NKAIN3: variants seen among roughly 807,000 people sequenced by gnomAD.
The protein encoded by NKAIN3 is sodium/potassium-transporting ATPase subunit beta-1-interacting protein 3.
In NKAIN3, 25 loss-of-function variants were observed where a neutral mutation model predicts 30.2. That is an observed-to-expected ratio of 0.83 (90% CI 0.60 to 1.16). The LOEUF (loss-of-function observed/expected upper bound fraction) is 1.16, where lower values mean the gene tolerates loss of function less well. Ranked by LOEUF, NKAIN3 falls within the 50% of genes most tolerant of loss-of-function variation. The pLI is 0.00. For synonymous variants in NKAIN3, 91 were observed against 89.6 expected (o/e 1.02, Z -0.09); for missense variants, 225 against 254.1 (o/e 0.89, Z 0.78).
rs375440565 is a variant in NKAIN3, at chr8:62,352,584, T to C, written c.54+103457T>C. ...GGAAAAGAAGCTGAGCATCGTCTTCTAAAATAGCCTTCTCCCCGCAACATT... is the reference window on the plus strand; with the variant it reads ...GGAAAAGAAGCTGAGCATCGTCTTCCAAAATAGCCTTCTCCCCGCAACATT... On this transcript the variant is annotated intron_variant, in intron 1 of 6. Transcript: ENST00000623646. 2.0e-5 allele frequency among the ~76,000 whole-genome samples: 3 copies of C among 152,176 alleles called. No homozygotes were observed. In the South Asian group the frequency reaches 6.2e-4, roughly 32 times the overall value.
intron 5 of NKAIN3, among the ~76,000 whole-genome samples, chr8:62,996,237 C>T (rs552434437): frequency 5.3e-5 from 8 of 152,006 alleles, no homozygotes; most frequent in East Asian, 1.9e-4. Context: ...TGACAGAAGG[C>T]GAAAGGGAAT....
chr8:62,775,084 T>C (rs1817146701), intron 4 of NKAIN3, among the ~76,000 whole-genome samples: 1 of 152,116 alleles, frequency 6.6e-6, no homozygotes, highest in Non-Finnish European at 1.5e-5. Flanking sequence ...TCTAGGTACT[T>C]GTTATTGGGC....
At chr8:62,586,447 T>G (rs1037312399) in intron 2 of NKAIN3, among the ~76,000 whole-genome samples, 1 of 152,166 alleles carries the variant, frequency 6.6e-6, no homozygotes, top group Non-Finnish European at 1.5e-5. Context: ...AGAGTAAATG[T>G]TTGACAAATG....
At chr8:62,845,283 GA>G (rs2130765334) in intron 4 of NKAIN3, among the ~76,000 whole-genome samples, 1 of 21,872 alleles carries the variant, frequency 4.6e-5, no homozygotes, top group East Asian at 1.0e-3. Flanking sequence ...CTGGATAGTA[GA>G]TTATATATAT....
chr8:62,543,589 A>T (rs1207598933), intron 1 of NKAIN3, among the ~76,000 whole-genome samples: 1 of 152,186 alleles, frequency 6.6e-6, no homozygotes, highest in Admixed American at 6.5e-5. Flanking sequence ...TGTCTGTCAC[A>T]TTGGCCTAGA....
At chr8:62,409,525 T>A (rs1030383124) in intron 1 of NKAIN3, among the ~76,000 whole-genome samples, 1 of 152,188 alleles carries the variant, frequency 6.6e-6, no homozygotes, top group Non-Finnish European at 1.5e-5. Flanking sequence ...ATTCTTATAC[T>A]ACTTTTTTAT....
At chr8:62,555,487 A>C (rs547027481) in intron 1 of NKAIN3, among the ~76,000 whole-genome samples, 1 of 152,184 alleles carries the variant, frequency 6.6e-6, no homozygotes, top group East Asian at 1.9e-4. Context: ...GAATGGAAGA[A>C]AAAAGAGTGT....
At chr8:62,831,205 TA>T (rs1182183765) in intron 4 of NKAIN3, among the ~76,000 whole-genome samples, 4 of 150,946 alleles carry the variant, frequency 2.6e-5, no homozygotes, top group East Asian at 3.9e-4. Flanking sequence ...CCTAGGAAAG[TA>T]GGGAAAGGAA....
intron 5 of NKAIN3, among the ~76,000 whole-genome samples, chr8:62,925,858 A>G (rs148463945): frequency 7.9e-5 from 12 of 152,274 alleles, no homozygotes; most frequent in African/African-American, 2.9e-4. Context: ...TTACAGTAAC[A>G]AAGTCTGATG....
intron 1 of NKAIN3, among the ~76,000 whole-genome samples, chr8:62,389,658 G>A (rs1457448915): frequency 6.6e-6 from 1 of 152,166 alleles, no homozygotes; most frequent in South Asian, 2.1e-4. Context: ...GCCTATCTGG[G>A]TATAGGAGTA....
At chr8:62,901,944 T>A (rs1285645091) in intron 4 of NKAIN3, among the ~76,000 whole-genome samples, 1 of 152,154 alleles carries the variant, frequency 6.6e-6, no homozygotes, top group Non-Finnish European at 1.5e-5. Flanking sequence ...AAACATACCC[T>A]CAATGGCTCC....
At chr8:62,546,411 A>T (rs977960952) in intron 1 of NKAIN3, among the ~76,000 whole-genome samples, 1 of 152,218 alleles carries the variant, frequency 6.6e-6, no homozygotes, top group Non-Finnish European at 1.5e-5. Context: ...TCTCAGGAGC[A>T]CATAATGAGA....
chr8:62,429,118 G>A (rs937863862), intron 1 of NKAIN3, among the ~76,000 whole-genome samples: 21 of 151,826 alleles, frequency 1.4e-4, no homozygotes, highest in African/African-American at 5.1e-4. Context: ...TTGGTTACTT[G>A]GTGGAAAATT....
intron 5 of NKAIN3, among the ~76,000 whole-genome samples, chr8:62,952,256 TA>T (rs149641142): frequency 0.032 from 4,811 of 151,718 alleles, 200 homozygotes; most frequent in East Asian, 0.12. Flanking sequence ...ACATATGGGT[TA>T]AAAAAAACAA....
At chr8:62,301,489 CTGTT>C (rs1214289011) in intron 1 of NKAIN3, among the ~76,000 whole-genome samples, 7 of 152,066 alleles carry the variant, frequency 4.6e-5, no homozygotes, top group South Asian at 2.1e-4. Flanking sequence ...CATTTGAACA[CTGTT>C]TGAACAGTTG....
At chr8:62,895,559 G>A (rs1023415303) in intron 4 of NKAIN3, among the ~76,000 whole-genome samples, 1 of 152,184 alleles carries the variant, frequency 6.6e-6, no homozygotes, top group Non-Finnish European at 1.5e-5. Flanking sequence ...TAAGGTTCCA[G>A]ATTAGTGACA....
rs1307915863 is a variant in NKAIN3, at chr8:62,524,232, A to G, written c.55-55307A>G. Among the ~76,000 whole-genome samples, 7 of 151,474 alleles carry G rather than the reference A, an allele frequency of 4.6e-5. No individual in the cohort carries two copies. The East Asian group carries it at 1.4e-3, about 29-fold the overall frequency. On this transcript the variant is annotated intron_variant, in intron 1 of 6. Coordinates refer to ENST00000623646, the MANE Select transcript of NKAIN3 (RefSeq NM_001304533.3). ...AAGTCCACCCCCCACCAAAATATAT[A>G]TATATATATATTAGCAAATATACCT...
chr8:62,658,459 G>A (rs935330348), intron 3 of NKAIN3, among the ~76,000 whole-genome samples: 3 of 152,138 alleles, frequency 2.0e-5, no homozygotes, highest in Admixed American at 6.6e-5. Flanking sequence ...GTGGGTGTTC[G>A]TAGTTCTGAT....
intron 1 of NKAIN3, among the ~76,000 whole-genome samples, chr8:62,254,370 C>A (rs1224185387): frequency 6.6e-6 from 1 of 151,878 alleles, no homozygotes; most frequent in Non-Finnish European, 1.5e-5. Flanking sequence ...TTTAAAAAGC[C>A]CTGGATGAGA....
Sources: gnomAD v4.1 joint callset for allele counts (sites outside exome capture counted in the v4.1 genomes callset) on GRCh38, gnomAD v4.1.1 for gene constraint, MANE v1.5 for transcripts, NCBI Gene and HGNC (gene_info 2026-07-23, HGNC 2026-07-21) for gene names.